L3MBTL4: variants seen among roughly 807,000 people sequenced by gnomAD.
The protein encoded by L3MBTL4 is lethal(3)malignant brain tumor-like protein 4.
In L3MBTL4, 70 loss-of-function variants were observed where a neutral mutation model predicts 84.5. The observed-to-expected ratio is 0.83, with a 90% CI of 0.68 to 1.01. The LOEUF is 1.01. Ranked by LOEUF, L3MBTL4 falls within the 50% of genes least tolerant of loss-of-function variation. L3MBTL4 has a pLI of 0.00. For synonymous variants in L3MBTL4, 274 were observed against 259.8 expected, an observed-to-expected ratio of 1.05 and a Z score of -0.52; for missense variants, 715 against 754.8, an observed-to-expected ratio of 0.95 and a Z score of 0.62.
intron 15 of L3MBTL4, among the ~76,000 whole-genome samples, chr18:6,086,406 A>G (rs1407810620): frequency 6.6e-6 from 1 of 152,202 alleles, no homozygotes; most frequent in African/African-American, 2.4e-5. Flanking sequence ...TACGAGAATC[A>G]GCTCGGAAAA....
At chr18:6,189,862 AAGAGTTCATG>A (rs1339343836) in intron 12 of L3MBTL4, among the ~76,000 whole-genome samples, 1 of 152,198 alleles carries the variant, frequency 6.6e-6, no homozygotes, top group Non-Finnish European at 1.5e-5. Context: ...GTAAAAGTAG[AAGAGTTCATG>A]AGAGACGTGT....
chr18:6,379,247 A>G (rs905792363), intron 1 of L3MBTL4, among the ~76,000 whole-genome samples: 1 of 152,194 alleles, frequency 6.6e-6, no homozygotes, highest in African/African-American at 2.4e-5. Context: ...TAAATACACA[A>G]TCATGTTATC....
rs71370544 is a variant in L3MBTL4, at chr18:6,095,346, GTTTTTTTT to G, written c.1200-1826_1200-1819del. ...AATCAGGCTGAAGAAGGGGAACATG[GTTTTTTTT>G]TTTTTTTTTTTGAGATGGAGTCTCG... On this transcript the variant is annotated intron_variant, in intron 14 of 18. Coordinates refer to ENST00000317931, the MANE Select transcript of L3MBTL4 (RefSeq NM_001330559.2). Among the ~76,000 whole-genome samples the G allele has an allele frequency of 5.9e-4, 72 of 122,932 alleles. 1 individual carries two copies. Among genetic ancestry groups the G allele is most frequent in the Middle Eastern group, 4.8e-3 (1 of 210 alleles). The allele number at this position is 122,932 out of a possible 152,430, so 80.6% of individuals were successfully genotyped here.
At chr18:6,116,387 G>T (rs2059362337) in intron 14 of L3MBTL4, among the ~76,000 whole-genome samples, 1 of 144,550 alleles carries the variant, frequency 6.9e-6, no homozygotes, top group African/African-American at 2.6e-5. Flanking sequence ...TTGAGATGGA[G>T]TCTTACTCTG....
At chr18:6,163,019 G>A (rs1016916678) in intron 13 of L3MBTL4, among the ~76,000 whole-genome samples, 22 of 152,038 alleles carry the variant, frequency 1.4e-4, no homozygotes, top group African/African-American at 4.8e-4. Context: ...TTTTAATAAC[G>A]TGGAAAACGA....
intron 16 of L3MBTL4, among the ~76,000 whole-genome samples, chr18:5,982,760 A>G (rs542701): frequency 0.36 from 54,616 of 152,144 alleles, 11,428 homozygotes; most frequent in East Asian, 0.93. Context: ...CATCACACAT[A>G]TGCTTAAGAG....
intron 12 of L3MBTL4, among the ~76,000 whole-genome samples, chr18:6,186,383 G>A (rs181274074): frequency 5.9e-4 from 89 of 151,604 alleles, no homozygotes; most frequent in Non-Finnish European, 1.2e-3. Flanking sequence ...ATGAGGAAGT[G>A]AGCAAAGAAG....
In L3MBTL4 at chr18:6,413,728, G is replaced by A. The variant is rs545599480; in HGVS notation, c.-91+1073C>T. 1.8e-4 allele frequency among the ~76,000 whole-genome samples: 28 copies of A among 152,300 alleles called. No individual in the cohort carries two copies. In the South Asian group the frequency reaches 5.6e-3, roughly 30 times the overall value. On this transcript the variant is annotated intron_variant, in intron 1 of 18. Coordinates refer to ENST00000317931, the MANE Select transcript of L3MBTL4 (RefSeq NM_001330559.2). Reference sequence around the variant, plus strand: ...GAGTCCAAACAAGTGTGAAGTGAGAGCGAGTCTTCAGCATGGGAATGGCCG... The same window carrying A: ...GAGTCCAAACAAGTGTGAAGTGAGAACGAGTCTTCAGCATGGGAATGGCCG...
chr18:6,141,761 C>T (rs2060202135), intron 13 of L3MBTL4, among the ~76,000 whole-genome samples: 1 of 152,236 alleles, frequency 6.6e-6, no homozygotes, highest in Admixed American at 6.5e-5. Context: ...AGCCATTCTT[C>T]ACTCTTCCTA....
chr18:6,409,186 C>T (rs1363104500), intron 1 of L3MBTL4, among the ~76,000 whole-genome samples: 1 of 152,190 alleles, frequency 6.6e-6, no homozygotes, highest in East Asian at 1.9e-4. Flanking sequence ...CAGATAGCTG[C>T]TCTTGTATGA....
intron 13 of L3MBTL4, among the ~76,000 whole-genome samples, chr18:6,162,409 C>A (rs992606232): frequency 1.3e-5 from 2 of 152,082 alleles, no homozygotes; most frequent in African/African-American, 4.8e-5. Flanking sequence ...AAAAAAAAAT[C>A]CGAAAGTTAA....
intron 3 of L3MBTL4, among the ~76,000 whole-genome samples, chr18:6,308,161 G>A (rs2050675905): frequency 6.6e-6 from 1 of 152,180 alleles, no homozygotes; most frequent in South Asian, 2.1e-4. Context: ...TGGAAGTTGT[G>A]AAAAGACAAA....
At chr18:6,164,364 G>C (rs1373439961) in intron 13 of L3MBTL4, among the ~76,000 whole-genome samples, 2 of 152,344 alleles carry the variant, frequency 1.3e-5, no homozygotes, top group East Asian at 3.9e-4. Context: ...TGAGATCTGA[G>C]AATGGGCAGA....
At chr18:6,227,113 T>G (rs1006385160) in intron 10 of L3MBTL4, among the ~76,000 whole-genome samples, 2 of 152,182 alleles carry the variant, frequency 1.3e-5, no homozygotes, top group Non-Finnish European at 2.9e-5. Context: ...TATAAGTGTG[T>G]GCACCTAATA....
At chr18:6,188,161 T>C (rs1426002572) in intron 12 of L3MBTL4, among the ~76,000 whole-genome samples, 1 of 152,082 alleles carries the variant, frequency 6.6e-6, no homozygotes, top group Non-Finnish European at 1.5e-5. Context: ...AATGAGAAAC[T>C]ATTGGCCTTC....
At chr18:6,350,291 A>C (rs2143748848) in intron 1 of L3MBTL4, among the ~76,000 whole-genome samples, 1 of 152,342 alleles carries the variant, frequency 6.6e-6, no homozygotes, top group East Asian at 1.9e-4. Flanking sequence ...TAAGAGAACA[A>C]TACCAAGAGA....
At chr18:6,191,318 T>C (rs1197442895) in intron 12 of L3MBTL4, among the ~76,000 whole-genome samples, 1 of 152,064 alleles carries the variant, frequency 6.6e-6, no homozygotes, top group African/African-American at 2.4e-5. Flanking sequence ...CCTGCTTCTG[T>C]ACACATCTCA....
At chr18:6,352,927 A>G (rs1293814748) in intron 1 of L3MBTL4, among the ~76,000 whole-genome samples, 1 of 152,246 alleles carries the variant, frequency 6.6e-6, no homozygotes, top group Non-Finnish European at 1.5e-5. Context: ...AATATCATAC[A>G]GTTTATATAA....
intron 12 of L3MBTL4, among the ~76,000 whole-genome samples, chr18:6,206,129 A>T (rs1447945080): frequency 6.6e-6 from 1 of 152,204 alleles, no homozygotes; most frequent in Non-Finnish European, 1.5e-5. Flanking sequence ...TGCAGAACGA[A>T]GAATCTGCTT....
Sources: gnomAD v4.1 joint callset for allele counts (sites outside exome capture counted in the v4.1 genomes callset) on GRCh38, gnomAD v4.1.1 for gene constraint, MANE v1.5 for transcripts, NCBI Gene and HGNC (gene_info 2026-07-23, HGNC 2026-07-21) for gene names.